The following LDB2 variants were observed in gnomAD, a reference collection of about 807,000 sequenced individuals.
The protein encoded by LDB2 is LIM domain-binding protein 2.
LDB2 carries 12 observed loss-of-function variants against 44.3 expected under a neutral mutation model. That is an observed-to-expected ratio of 0.27 (90% CI 0.17 to 0.44). The LOEUF is 0.44. LDB2 is among the 20% of genes least tolerant of loss of function. The probability of loss-of-function intolerance (pLI) is 1.00; values close to 1 mark genes in which losing one functional copy is unlikely to be tolerated. For synonymous variants in LDB2, 164 were observed against 174.8 expected, an observed-to-expected ratio of 0.94 and a Z score of 0.49; for missense variants, 344 against 473.5, an observed-to-expected ratio of 0.73 and a Z score of 2.54.
intron 1 of LDB2, among the ~76,000 whole-genome samples, chr4:16,845,802 T>C (rs1439160877): frequency 2.0e-5 from 3 of 152,150 alleles, no homozygotes; most frequent in African/African-American, 2.4e-5. Context: ...TCAAATAGTT[T>C]GCCCAAAAGA....
intron 1 of LDB2, among the ~76,000 whole-genome samples, chr4:16,778,525 G>A (rs1772459443): frequency 6.6e-6 from 1 of 152,088 alleles, no homozygotes; most frequent in Admixed American, 6.6e-5. Flanking sequence ...TTGTGAGTTT[G>A]TGTTTTTATG....
chr4:16,716,821 T>C (rs1005478965), intron 2 of LDB2, among the ~76,000 whole-genome samples: 4 of 152,148 alleles, frequency 2.6e-5, no homozygotes, highest in Admixed American at 2.0e-4. Flanking sequence ...CATTATAGTA[T>C]ATGCAGTAAT....
chr4:16,523,973 T>A (rs528853601), intron 5 of LDB2, among the ~76,000 whole-genome samples: 1 of 152,314 alleles, frequency 6.6e-6, no homozygotes, highest in East Asian at 1.9e-4. Flanking sequence ...CCCACTAGAC[T>A]ATAAACAATT....
chr4:16,698,605 TA>T (rs1328214381), intron 2 of LDB2, among the ~76,000 whole-genome samples: 1 of 152,230 alleles, frequency 6.6e-6, no homozygotes, highest in South Asian at 2.1e-4. Flanking sequence ...CTGGATTTGT[TA>T]ATTTTTTTAT....
At chr4:16,774,913 G>T (rs541042516) in intron 1 of LDB2, among the ~76,000 whole-genome samples, 1 of 152,318 alleles carries the variant, frequency 6.6e-6, no homozygotes, top group South Asian at 2.1e-4. Context: ...CTAATGAACA[G>T]ATAAACAAAA....
chr4:16,627,449 T>C (rs1730575230), intron 2 of LDB2, among the ~76,000 whole-genome samples: 1 of 152,190 alleles, frequency 6.6e-6, no homozygotes, highest in African/African-American at 2.4e-5. Context: ...CTCTACCTTC[T>C]GGAAAGAAGG....
intron 1 of LDB2, among the ~76,000 whole-genome samples, chr4:16,824,572 A>C (rs1782705125): frequency 6.6e-6 from 1 of 152,218 alleles, no homozygotes; most frequent in African/African-American, 2.4e-5. Context: ...CTTTTCACTT[A>C]AGTGTCTTTG....
intron 2 of LDB2, among the ~76,000 whole-genome samples, chr4:16,639,189 G>T (rs1344716403): frequency 6.6e-6 from 1 of 152,136 alleles, no homozygotes; most frequent in South Asian, 2.1e-4. Context: ...ATTCACTCTA[G>T]GTAAAATGTT....
intron 5 of LDB2, among the ~76,000 whole-genome samples, chr4:16,543,172 T>C (rs1212253956): frequency 6.6e-6 from 1 of 152,204 alleles, no homozygotes; most frequent in Non-Finnish European, 1.5e-5. Context: ...CAGTCTATCA[T>C]TGATGGACAT....
intron 5 of LDB2, among the ~76,000 whole-genome samples, chr4:16,558,480 T>C (rs1740674128): frequency 6.6e-6 from 1 of 151,916 alleles, no homozygotes; most frequent in South Asian, 2.1e-4. Context: ...ACGAAATGAA[T>C]GAAATGAAGC....
chr4:16,836,270 C>T (rs1784871025), intron 1 of LDB2, among the ~76,000 whole-genome samples: 1 of 152,148 alleles, frequency 6.6e-6, no homozygotes, highest in Non-Finnish European at 1.5e-5. Context: ...AATTATTGAG[C>T]TTGTGGGACT....
intron 5 of LDB2, among the ~76,000 whole-genome samples, chr4:16,581,679 C>T (rs1714524381): frequency 6.6e-6 from 1 of 152,190 alleles, no homozygotes; most frequent in African/African-American, 2.4e-5. Context: ...ATCCAAGGGC[C>T]ATCTTCTCTA....
intron 7 of LDB2, among the ~76,000 whole-genome samples, chr4:16,503,386 AT>A (rs764600441): frequency 4.6e-5 from 7 of 152,210 alleles, no homozygotes; most frequent in Non-Finnish European, 8.8e-5. Context: ...CAGGGATGAT[AT>A]ACATTTTAAT....
chr4:16,679,467 T>C (rs539719114), intron 2 of LDB2, among the ~76,000 whole-genome samples: 2 of 152,294 alleles, frequency 1.3e-5, no homozygotes, highest in South Asian at 4.1e-4. Flanking sequence ...TATTAACTCA[T>C]TGAATCCTCA....
chr4:16,817,833 AT>A (rs935335528), intron 1 of LDB2, among the ~76,000 whole-genome samples: 1 of 152,170 alleles, frequency 6.6e-6, no homozygotes, highest in African/African-American at 2.4e-5. Context: ...CAGAATTTGT[AT>A]CATGCTGCCT....
At chr4:16,895,232 T>C (rs1561566021) in intron 1 of LDB2, among the ~76,000 whole-genome samples, 1 of 151,606 alleles carries the variant, frequency 6.6e-6, no homozygotes, top group African/African-American at 2.4e-5. Flanking sequence ...TTAGAAATAA[T>C]ATTAACTCCC....
chr4:16,835,581 C>A (rs1435228908), intron 1 of LDB2, among the ~76,000 whole-genome samples: 1 of 152,142 alleles, frequency 6.6e-6, no homozygotes, highest in Non-Finnish European at 1.5e-5. Context: ...ATAAGTGTCC[C>A]TGTAGATATA....
chr4:16,891,335 T>A (rs577487652), intron 1 of LDB2, among the ~76,000 whole-genome samples: 5 of 126,054 alleles, frequency 4.0e-5, no homozygotes, highest in African/African-American at 1.6e-4. Context: ...TTTTTTGAGA[T>A]GGAGTCTCAC....
chr4:16,774,117 T>A (rs898518534), intron 1 of LDB2, among the ~76,000 whole-genome samples: 4 of 142,980 alleles, frequency 2.8e-5, no homozygotes, highest in Non-Finnish European at 6.0e-5. Flanking sequence ...ATCACGCCAT[T>A]GCACTCCAGC....
Sources: allele counts gnomAD v4.1 joint callset (sites outside exome capture counted in the v4.1 genomes callset), GRCh38; gene constraint gnomAD v4.1.1; transcripts MANE v1.5; gene names NCBI Gene and HGNC (gene_info 2026-07-23, HGNC 2026-07-21).